SNX19: variants seen among roughly 807,000 people sequenced by gnomAD.
The protein encoded by SNX19 is sorting nexin-19.
Under a neutral mutation model 85.2 loss-of-function variants are expected in SNX19, and 60 were observed. The ratio of observed to expected loss-of-function variants is 0.70; its 90% confidence interval spans 0.57 to 0.87. The LOEUF is 0.87. SNX19 is among the 40% of genes least tolerant of loss of function. The pLI is 0.00. For synonymous variants in SNX19, 520 were observed against 470.0 expected, an observed-to-expected ratio of 1.11 and a Z score of -1.38; for missense variants, 1,201 against 1,217.8, an observed-to-expected ratio of 0.99 and a Z score of 0.21.
Position 130,872,917 on chromosome 11 carries a change from G to A in SNX19, c.*5505C>T, listed in dbSNP as rs10160760. ...ATTGGACAAACAGCCGGTGTGGAGGGGGCTGTGGGAGGTACGGCTTGCCAG... is the reference window on the plus strand; with the variant it reads ...ATTGGACAAACAGCCGGTGTGGAGGAGGCTGTGGGAGGTACGGCTTGCCAG... On this transcript the variant is annotated 3_prime_UTR_variant, in exon 11 of 11. Coordinates refer to ENST00000265909, the MANE Select transcript of SNX19 (RefSeq NM_014758.3). Among the ~76,000 whole-genome samples, 14,555 of 152,184 alleles carry A rather than the reference G, an allele frequency of 0.096. 1,217 individuals are homozygous for A. Among genetic ancestry groups the A allele is most frequent in the African/African-American group, 0.22 (9,214 of 41,490 alleles).
intron 3 of SNX19, 36 bp from the exon 4 acceptor site, chr11:130,910,173 A>T: frequency 6.2e-7 from 1 of 1,613,992 alleles, no homozygotes; most frequent in Non-Finnish European, 8.5e-7. Context: ...TTTAAAGAGA[A>T]ATTCCAGTCC....
Position 130,911,410 on chromosome 11 carries a change from G to C in SNX19, c.1813+223C>G, listed in dbSNP as rs1034037282. On this transcript the variant is annotated intron_variant, in intron 2 of 10. Transcript: ENST00000265909. The stretch of plus-strand genomic sequence containing the variant: ...ACACTTATTTTTTAATCTTAAACTA[G>C]ATGGGGCTCCAGAACAAAGCAGTTG... 7.6e-6 allele frequency: 10 copies of C among 1,315,090 alleles called. No individual in the cohort carries two copies. The African/African-American group carries it at 1.2e-4, about 16-fold the overall frequency. The allele number at this position is 1,315,090 out of a possible 1,614,324, so 81.5% of individuals were successfully genotyped here. A position where few individuals can be genotyped will look rare whatever the true frequency, so the allele number is the denominator to read the frequency against.
At chr11:130,903,763 CCTA>C (rs1945445745) in intron 7 of SNX19, among the ~76,000 whole-genome samples, 1 of 146,156 alleles carries the variant, frequency 6.8e-6, no homozygotes, top group Non-Finnish European at 1.5e-5. Context: ...ACTTATTTTG[CCTA>C]CTTAGTTTCT....
Position 130,910,388 on chromosome 11 carries a change from A to ATCAAAAT in SNX19, c.1814-19_1814-18insATTTTGA. 8 of 1,541,284 alleles carry ATCAAAAT rather than the reference A, an allele frequency of 5.2e-6. No homozygotes were observed. Among genetic ancestry groups the ATCAAAAT allele is most frequent in the Non-Finnish European group, 7.1e-6 (8 of 1,131,488 alleles). On this transcript the variant is annotated intron_variant, in intron 2 of 10. Transcript: ENST00000265909. Reference sequence around the variant, plus strand: ...CTTCACATCTTCCAAAAAAAAAAAAAATCAAAATATTCACTCATTTAACAT... The same window carrying ATCAAAAT: ...CTTCACATCTTCCAAAAAAAAAAAAATCAAAATATCAAAATATTCACTCATTTAACAT...
Position 130,868,587 on chromosome 11 carries a change from C to T in SNX19, c.*9835G>A, listed in dbSNP as rs1340484121. Reference sequence around the variant, plus strand: ...CTGTAGCAACAGGCCTTCAAAGCTTCACATTTCAAATGGAAGCTGCTACGC... The same window carrying T: ...CTGTAGCAACAGGCCTTCAAAGCTTTACATTTCAAATGGAAGCTGCTACGC... On this transcript the variant is annotated 3_prime_UTR_variant, in exon 11 of 11. Transcript: ENST00000265909. The T allele has an allele frequency of 6.6e-6, 1 of 152,160 alleles. No homozygotes were observed. The highest frequency in any genetic ancestry group is 2.4e-5 in the African/African-American group (1 of 41,434). The allele number at this position is 152,160 out of a possible 1,614,324, so 9.4% of individuals were successfully genotyped here. A position where few individuals can be genotyped will look rare whatever the true frequency, so the allele number is the denominator to read the frequency against.
At position 130,903,155 on chromosome 11, in the gene SNX19, C is replaced by T. The variant is rs550179771; in HGVS notation, c.2573+100G>A. ...GTAACCCCTGTAACAGAGAATCTAT[C>T]TTCTCTTACGGCTGCAGATTCCCTG... is the stretch of plus-strand genomic sequence containing the variant. On this transcript the variant is annotated intron_variant, in intron 8 of 10. Coordinates refer to ENST00000265909, the MANE Select transcript of SNX19 (RefSeq NM_014758.3). 2.0e-6 allele frequency: 3 copies of T among 1,514,240 alleles called. No homozygotes were observed. The South Asian group carries it at 3.7e-5, about 19-fold the overall frequency. 93.8% of individuals were successfully genotyped at this position (1,514,240 alleles called of 1,614,324 possible).
In SNX19 at chr11:130,911,630, G is replaced by A; in HGVS notation, c.1813+3C>T. ...GGCAGTAGGGGTTGGGGAAACTCCT[G>A]ACTTTTGATGAACTTTCGTAGATCT... On this transcript the variant is annotated splice_donor_region_variant and intron_variant, in intron 2 of 10. Transcript: ENST00000265909. 8 of 1,614,064 alleles carry A rather than the reference G, an allele frequency of 5.0e-6. No individual in the cohort carries two copies. The South Asian group carries it at 5.5e-5, about 11-fold the overall frequency.
intron 7 of SNX19, among the ~76,000 whole-genome samples, chr11:130,903,638 G>A (rs948889062): frequency 8.7e-5 from 13 of 149,582 alleles, no homozygotes; most frequent in African/African-American, 3.2e-4. Context: ...GTTTTTAAAA[G>A]ATATATATCT....
chr11:130,878,367 C>T lies in SNX19; in HGVS notation c.*55G>A. The T allele has an allele frequency of 1.9e-6, 3 of 1,587,126 alleles. No individual in the cohort carries two copies. The highest frequency in any genetic ancestry group is 2.3e-5 in the South Asian group (2 of 87,174). On this transcript the variant is annotated 3_prime_UTR_variant, in exon 11 of 11. Coordinates refer to ENST00000265909, the MANE Select transcript of SNX19 (RefSeq NM_014758.3). ...AGGGCACGGGCTTCCTGACTGGTCT[C>T]TGGTGGCCGAGTAACTCTACTTCCC...
intron 10 of SNX19, among the ~76,000 whole-genome samples, chr11:130,879,348 A>C (rs948568789): frequency 1.3e-5 from 2 of 152,142 alleles, no homozygotes; most frequent in Non-Finnish European, 2.9e-5. Context: ...TCAGCAGCTC[A>C]TGTGGGGGCC....
In SNX19 at chr11:130,903,317, T is replaced by C. The variant is rs781216912; in HGVS notation, c.2511A>G (p.Lys837=). Reference sequence around the variant, plus strand: ...TTTGCATGTTTTCGGTACATAGCCATTTCCACTGTTCTGTTAGTAGCAAGA... The same window carrying C: ...TTTGCATGTTTTCGGTACATAGCCACTTCCACTGTTCTGTTAGTAGCAAGA... ...LLLLLLTEQW[K]WLCTENMQKF... Residue 837 remains lysine (K), a synonymous_variant, in exon 8 of 11, where the codon AAA becomes AAG. Coordinates refer to ENST00000265909, the MANE Select transcript of SNX19 (RefSeq NM_014758.3). The C allele has an allele frequency of 3.1e-6, 5 of 1,613,864 alleles. No homozygotes were observed. In the South Asian group the frequency reaches 4.4e-5, roughly 14 times the overall value.
intron 8 of SNX19, among the ~76,000 whole-genome samples, chr11:130,882,206 C>T (rs1247697127): frequency 6.6e-6 from 1 of 152,182 alleles, no homozygotes; most frequent in Admixed American, 6.5e-5. Flanking sequence ...CTCCCCTTCA[C>T]CCACCTCATT....
At position 130,910,045 on chromosome 11, in the gene SNX19, T is replaced by C. The variant is rs1192837675; in HGVS notation, c.2007A>G (p.Lys669=). 6.2e-7 allele frequency: 1 copy of C among 1,613,766 alleles called. No homozygotes were observed. The highest frequency in any genetic ancestry group is 8.5e-7 in the Non-Finnish European group (1 of 1,180,018). The change falls in exon 4 of 11, where the codon AAA becomes AAG. Residue 669 remains lysine, a synonymous_variant. Coordinates refer to ENST00000265909, the MANE Select transcript of SNX19 (RefSeq NM_014758.3). ...NTDARIAFVK[K]PFMVSRIDKM... is the part of the protein sequence containing the mutation. ...TGTCTATTCTAGAGACCATAAATGG[T>C]TTCTTGACAAAGGCAATACGAGCAT...
intron 8 of SNX19, chr11:130,893,691 G>A (rs1944664975): frequency 3.0e-6 from 2 of 664,654 alleles, no homozygotes; most frequent in East Asian, 5.4e-5. Flanking sequence ...ACACAGAGGA[G>A]TAATAAATAA....
rs545253392 is a variant in SNX19 at position 130,896,944 on chromosome 11, G to A, written c.2573+6311C>T. On this transcript the variant is annotated intron_variant, in intron 8 of 10. Coordinates refer to ENST00000265909, the MANE Select transcript of SNX19 (RefSeq NM_014758.3). ...CCCTTGAAGTAGAGTTCCACAGAAAGCGCCTTGATTCTGGAGCGTTCTAAG... is the reference window on the plus strand; with the variant it reads ...CCCTTGAAGTAGAGTTCCACAGAAAACGCCTTGATTCTGGAGCGTTCTAAG... Among the ~76,000 whole-genome samples, 11 of 144,894 alleles carry A rather than the reference G, an allele frequency of 7.6e-5. No individual in the cohort carries two copies. In the South Asian group the frequency reaches 2.2e-3, roughly 30 times the overall value.
At chr11:130,882,041 C>T (rs957419438) in intron 8 of SNX19, among the ~76,000 whole-genome samples, 3 of 152,138 alleles carry the variant, frequency 2.0e-5, no homozygotes, top group Non-Finnish European at 4.4e-5. Flanking sequence ...TTCCCTTTAT[C>T]TTACTTTCAA....
intron 8 of SNX19, among the ~76,000 whole-genome samples, chr11:130,893,423 G>A (rs1305019513): frequency 6.6e-6 from 1 of 152,172 alleles, no homozygotes; most frequent in Non-Finnish European, 1.5e-5. Context: ...ATGAGAAGCA[G>A]ATGCCCAAGA....
rs1943195661 is a variant in SNX19, at chr11:130,875,474, AAAT to A, written c.*2945_*2947del. On this transcript the variant is annotated 3_prime_UTR_variant, in exon 11 of 11. Transcript: ENST00000265909. ...AGTTAATAATGTACCGTCTCAAAATAAATAAATAATGTACTGTACACTTAAGAG... is the reference window on the plus strand; with the variant it reads ...AGTTAATAATGTACCGTCTCAAAATAAAATAATGTACTGTACACTTAAGAG... 6.6e-6 allele frequency: 1 copy of A among 152,222 alleles called. No individual in the cohort carries two copies. The highest frequency in any genetic ancestry group is 6.5e-5 in the Admixed American group (1 of 15,276). 9.4% of individuals were successfully genotyped at this position (152,222 alleles called of 1,614,324 possible).
chr11:130,879,713 TGAG>T lies in SNX19; in HGVS notation c.2759-5_2759-3del, dbSNP rs1565504885. On this transcript the variant is annotated splice_region_variant and splice_polypyrimidine_tract_variant and intron_variant, in intron 9 of 10. Transcript: ENST00000265909. Reference sequence around the variant, plus strand: ...CCCCAAGAATTTCTACTACGAGATCTGAGGAGGAAAAAACAGATGGAATTTGCG... The same window carrying T: ...CCCCAAGAATTTCTACTACGAGATCTGAGGAAAAAACAGATGGAATTTGCG... 3 of 1,613,632 alleles carry T rather than the reference TGAG, an allele frequency of 1.9e-6. No individual in the cohort carries two copies. Among genetic ancestry groups the T allele is most frequent in the South Asian group, 2.2e-5 (2 of 91,060 alleles).
Sources: allele counts gnomAD v4.1 joint callset (sites outside exome capture counted in the v4.1 genomes callset), GRCh38; gene constraint gnomAD v4.1.1; transcripts MANE v1.5; gene names NCBI Gene and HGNC (gene_info 2026-07-23, HGNC 2026-07-21).